The following TRIM52 variants were observed in gnomAD, a reference collection of about 807,000 sequenced individuals.
TRIM52 encodes the protein E3 ubiquitin-protein ligase TRIM52.
In TRIM52, 24 loss-of-function variants were observed where a neutral mutation model predicts 27.0. The observed-to-expected ratio is 0.89, with a 90% CI of 0.64 to 1.25. The LOEUF (loss-of-function observed/expected upper bound fraction) is 1.25. Among genes scored for constraint, TRIM52 ranks in the 50% most tolerant of loss-of-function variants. The pLI is 0.00. For synonymous variants in TRIM52, 125 were observed against 126.5 expected (o/e 0.99, Z 0.08); for missense variants, 351 against 354.7 (o/e 0.99, Z 0.08).
At position 181,260,826 on chromosome 5, in the gene TRIM52, C is replaced by T. The variant is rs777150728; in HGVS notation, c.-13G>A. The T allele has an allele frequency of 2.5e-6, 4 of 1,570,906 alleles. No individual in the cohort carries two copies. Among genetic ancestry groups the T allele is most frequent in the Non-Finnish European group, 1.7e-6 (2 of 1,154,900 alleles). The stretch of plus-strand genomic sequence containing the variant: ...CATAACCAGCCATCTTAATGCCCGC[C>T]GGCAGGTGTAGATACGTCAGCTTGG... On this transcript the variant is annotated 5_prime_UTR_variant, in exon 1 of 2. Coordinates refer to ENST00000688015, the MANE Select transcript of TRIM52 (RefSeq NM_001346048.2). This position sits in a 1 kb window ranked among gnomAD's most constrained non-coding sequence, Gnocchi z 4.4.
In TRIM52 at chr5:181,258,040, T is replaced by G. The variant is rs571278301; in HGVS notation, c.814-1181A>C. The G allele has an allele frequency of 5.3e-5, 8 of 152,112 alleles. No individual in the cohort carries two copies. In the East Asian group the frequency reaches 1.6e-3, roughly 29 times the overall value. The allele number at this position is 152,112 out of a possible 1,614,324, so 9.4% of individuals were successfully genotyped here. On this transcript the variant is annotated intron_variant, in intron 1 of 1. Transcript: ENST00000688015. The stretch of plus-strand genomic sequence containing the variant: ...ATAAAAATAAAAAAAGATTTGTGTC[T>G]TAACTGTGCACTTAACAATATTTAC...
chr5:181,260,510 C>T lies in TRIM52; in HGVS notation c.304G>A (p.Asp102Asn). ...DEELFQDQDD[D>N]ELWLGDSGIT... Reference sequence around the variant, plus strand: ...CCACTGTCACCGAGCCAGAGTTCATCGTCATCTTGGTCTTGGAACAACTCT... The same window carrying T: ...CCACTGTCACCGAGCCAGAGTTCATTGTCATCTTGGTCTTGGAACAACTCT... Residue 102 changes from aspartate (D) to asparagine (N), a missense_variant, in exon 1 of 2, where the codon GAT becomes AAT. Coordinates refer to ENST00000688015, the MANE Select transcript of TRIM52 (RefSeq NM_001346048.2). This position sits in a 1 kb window ranked among gnomAD's most constrained non-coding sequence, Gnocchi z 4.4. 6.2e-7 allele frequency: 1 copy of T among 1,614,020 alleles called. No individual in the cohort carries two copies. The highest frequency in any genetic ancestry group is 1.6e-4 in the Middle Eastern group (1 of 6,062).
At chr5:181,259,912 G>A (rs906820684) in intron 1 of TRIM52, 89 bp downstream of exon 1, 1 of 1,600,068 alleles carries the variant, frequency 6.2e-7, no homozygotes, top group East Asian at 2.2e-5. Flanking sequence ...AGTACCTGAG[G>A]AGGTGGGAAA....
At chr5:181,256,936 GGA>G in intron 1 of TRIM52, 77 bp from the exon 2 acceptor site, 1 of 985,792 alleles carries the variant, frequency 1.0e-6, no homozygotes, top group African/African-American at 1.7e-5. Flanking sequence ...CTACCTCAAA[GGA>G]GATAACAGAA....
At position 181,255,318 on chromosome 5, in the gene TRIM52, A is replaced by G. The variant is rs1474424129; in HGVS notation, c.*1491T>C. On this transcript the variant is annotated 3_prime_UTR_variant, in exon 2 of 2. Transcript: ENST00000688015. ...TAGATATATCAAAACATTAAAAAAT[A>G]AAAAAGCTTTTTAAGGTGTAAGGAG... 3 of 152,228 alleles carry G rather than the reference A, an allele frequency of 2.0e-5. No individual in the cohort carries two copies. Among genetic ancestry groups the G allele is most frequent in the African/African-American group, 7.2e-5 (3 of 41,448 alleles). 9.4% of individuals were successfully genotyped at this position (152,228 alleles called of 1,614,324 possible). A position where few individuals can be genotyped will look rare whatever the true frequency, so the allele number is the denominator to read the frequency against.
Position 181,260,630 on chromosome 5 carries a change from C to A in TRIM52, c.184G>T (p.Glu62Ter), listed in dbSNP as rs1171350070. ...DEEDQNEEED[E>*]WEEEEDEEAV... is the part of the protein sequence containing the mutation. The stretch of plus-strand genomic sequence containing the variant: ...TCCTCGTCCTCCTCCTCCTCCCATT[C>A]ATCTTCCTCCTCGTTCTGGTCCTCC... Residue 62 changes from glutamate (E) to a stop codon, truncating the protein, a stop_gained, in exon 1 of 2, where the codon GAA (glutamate) becomes TAA (stop). Coordinates refer to ENST00000688015, the MANE Select transcript of TRIM52 (RefSeq NM_001346048.2). LOFTEE classifies it high-confidence loss of function. The surrounding 1 kb of genome is among the most constrained non-coding windows in gnomAD (Gnocchi z 4.4). The A allele has an allele frequency of 2.5e-6, 4 of 1,613,850 alleles. No homozygotes were observed. Among genetic ancestry groups the A allele is most frequent in the Non-Finnish European group, 3.4e-6 (4 of 1,179,982 alleles).
At position 181,261,086 on chromosome 5, in the gene TRIM52, G is replaced by A. The variant is rs1760050377; in HGVS notation, c.-273C>T. On this transcript the variant is annotated 5_prime_UTR_variant, in exon 1 of 2. Coordinates refer to ENST00000688015, the MANE Select transcript of TRIM52 (RefSeq NM_001346048.2). ...ACGTCTCTCGCTACCCTCAGGGTGT[G>A]CCCTACACTGCGGCGTCCGCCTCAG... 2.4e-6 allele frequency: 1 copy of A among 420,346 alleles called. No homozygotes were observed. Among genetic ancestry groups the A allele is most frequent in the African/African-American group, 2.0e-5 (1 of 50,710 alleles). The allele number at this position is 420,346 out of a possible 1,614,324, so 26.0% of individuals were successfully genotyped here.
chr5:181,260,760 C>T lies in TRIM52; in HGVS notation c.54G>A (p.Ala18=), dbSNP rs1401011093. Residue 18 remains alanine, a synonymous_variant, in exon 1 of 2, where the codon GCG becomes GCA. Transcript: ENST00000688015. This position sits in a 1 kb window ranked among gnomAD's most constrained non-coding sequence, Gnocchi z 4.4. The part of the protein sequence containing the change: ...PSPMQTLQEE[A]VCAICLDYFK... ...AGTAATCCAAGCAGATGGCACACAC[C>T]GCTTCCTCCTGAAGGGTCTGCATGG... 3 of 1,613,132 alleles carry T rather than the reference C, an allele frequency of 1.9e-6. No homozygotes were observed. The highest frequency in any genetic ancestry group is 1.7e-6 in the Non-Finnish European group (2 of 1,179,464).
In TRIM52 at chr5:181,260,965, C is replaced by T; in HGVS notation, c.-152G>A. 8.3e-7 allele frequency: 1 copy of T among 1,206,286 alleles called. No homozygotes were observed. 74.7% of individuals were successfully genotyped at this position (1,206,286 alleles called of 1,614,324 possible). A position where few individuals can be genotyped will look rare whatever the true frequency, so the allele number is the denominator to read the frequency against. On this transcript the variant is annotated 5_prime_UTR_variant, in exon 1 of 2. Transcript: ENST00000688015. This position sits in a 1 kb window ranked among gnomAD's most constrained non-coding sequence, Gnocchi z 4.4. Reference sequence around the variant, plus strand: ...GGCCGCAGGGGAGCTTTGACCCCCTCTCTCAGGGTGCGAACGCCCAGATCC... The same window carrying T: ...GGCCGCAGGGGAGCTTTGACCCCCTTTCTCAGGGTGCGAACGCCCAGATCC...
chr5:181,251,224 G>A (rs1375385652), downstream of TRIM52, among the ~76,000 whole-genome samples: 1 of 152,060 alleles, frequency 6.6e-6, no homozygotes, highest in African/African-American at 2.4e-5. Context: ...AACCTGGGAG[G>A]TGGAGGTTGC....
At position 181,260,648 on chromosome 5, in the gene TRIM52, G is replaced by T; in HGVS notation, c.166C>A (p.Gln56Lys). ...QLWSKEDEED[Q>K]NEEEDEWEEE... Reference sequence around the variant, plus strand: ...TCCCATTCATCTTCCTCCTCGTTCTGGTCCTCCTCGTCCTCCTTACTCCAC... The same window carrying T: ...TCCCATTCATCTTCCTCCTCGTTCTTGTCCTCCTCGTCCTCCTTACTCCAC... Residue 56 changes from glutamine (Q) to lysine (K), a missense_variant, in exon 1 of 2, where the codon CAG (glutamine) becomes AAG (lysine). By Grantham distance (53) the Gln-to-Lys change is moderately conservative (BLOSUM62 1). Transcript: ENST00000688015. This position sits in a 1 kb window ranked among gnomAD's most constrained non-coding sequence, Gnocchi z 4.4. The T allele has an allele frequency of 6.2e-7, 1 of 1,613,660 alleles. No homozygotes were observed. The highest frequency in any genetic ancestry group is 2.2e-5 in the East Asian group (1 of 44,854).
In TRIM52 at chr5:181,260,241, T is replaced by G; in HGVS notation, c.573A>C (p.Thr191=). Reference sequence around the variant, plus strand: ...GCAAGTTGGGACGAAAGCTGCGACGTGTAAAGCTCTTTCGGCACTGGGGGC... The same window carrying G: ...GCAAGTTGGGACGAAAGCTGCGACGGGTAAAGCTCTTTCGGCACTGGGGGC... The part of the protein sequence containing the change: ...FTCPQCRKSF[T]RRSFRPNLQL... The change falls in exon 1 of 2, where the codon ACA becomes ACC. Residue 191 remains threonine, a synonymous_variant. Coordinates refer to ENST00000688015, the MANE Select transcript of TRIM52 (RefSeq NM_001346048.2). The surrounding 1 kb of genome is among the most constrained non-coding windows in gnomAD (Gnocchi z 4.4). 1 of 1,614,214 alleles carries G rather than the reference T, an allele frequency of 6.2e-7. No homozygotes were observed. The highest frequency in any genetic ancestry group is 8.5e-7 in the Non-Finnish European group (1 of 1,180,028).
At position 181,255,531 on chromosome 5, in the gene TRIM52, G is replaced by A. The variant is rs1229911277; in HGVS notation, c.*1278C>T. The A allele has an allele frequency of 6.6e-6, 1 of 152,260 alleles. No individual in the cohort carries two copies. Among genetic ancestry groups the A allele is most frequent in the African/African-American group, 2.4e-5 (1 of 41,550 alleles). 9.4% of individuals were successfully genotyped at this position (152,260 alleles called of 1,614,324 possible). Reference sequence around the variant, plus strand: ...ACATTCTTTCCAAAAGCTACCACTGGTAGATTTTAAGAACAAGCTCAGGAG... The same window carrying A: ...ACATTCTTTCCAAAAGCTACCACTGATAGATTTTAAGAACAAGCTCAGGAG... On this transcript the variant is annotated 3_prime_UTR_variant, in exon 2 of 2. Coordinates refer to ENST00000688015, the MANE Select transcript of TRIM52 (RefSeq NM_001346048.2).
At chr5:181,254,244 C>T (rs1398470779), downstream of TRIM52, among the ~76,000 whole-genome samples, 3 of 135,816 alleles carry the variant, frequency 2.2e-5, no homozygotes, top group Non-Finnish European at 4.5e-5. Flanking sequence ...GAGCCGAGAT[C>T]GTGCCACCAC....
chr5:181,255,052 A>G (rs572671369), downstream of TRIM52: 1 of 152,204 alleles, frequency 6.6e-6, no homozygotes, highest in Admixed American at 6.5e-5. Context: ...TGTAACCCAC[A>G]CTTCTACTTT....
chr5:181,254,286 T>C (rs1446514824), downstream of TRIM52: 1 of 136,266 alleles, frequency 7.3e-6, no homozygotes, highest in Non-Finnish European at 1.5e-5. Flanking sequence ...CGAGACTCTG[T>C]CAAACAGAGA....
Position 181,255,883 on chromosome 5 carries a change from T to G in TRIM52, c.*926A>C, listed in dbSNP as rs149990785. The G allele has an allele frequency of 1.2e-3, 177 of 152,362 alleles. 1 individual carries two copies. Among genetic ancestry groups the G allele is most frequent in the African/African-American group, 4.1e-3 (172 of 41,584 alleles). 9.4% of individuals were successfully genotyped at this position (152,362 alleles called of 1,614,324 possible). ...ATTGTTCTTCCAACCTTGGGGTTGT[T>G]CTGTCCACAAGTTCAGCAGAATCCG... On this transcript the variant is annotated 3_prime_UTR_variant, in exon 2 of 2. Transcript: ENST00000688015.
At chr5:181,259,771 T>C (rs1759949503) in intron 1 of TRIM52, 1 of 840,406 alleles carries the variant, frequency 1.2e-6, no homozygotes, top group Non-Finnish European at 1.8e-6. Context: ...GACCGTCATA[T>C]TATCTGTTCA....
At chr5:181,249,415 G>T (rs1759588805), downstream of TRIM52, among the ~76,000 whole-genome samples, 1 of 152,148 alleles carries the variant, frequency 6.6e-6, no homozygotes, top group South Asian at 2.1e-4. Flanking sequence ...GTTGAGCATG[G>T]TTCACACCTG....
Sources: gnomAD v4.1 joint callset for allele counts (sites outside exome capture counted in the v4.1 genomes callset) on GRCh38, gnomAD v4.1.1 for gene constraint, Gnocchi (gnomAD v3.1) non-coding constraint, MANE v1.5 for transcripts, NCBI Gene and HGNC (gene_info 2026-07-23, HGNC 2026-07-21) for gene names.